The following RELN variants were observed in gnomAD, a reference collection of about 807,000 sequenced individuals.
RELN encodes the protein reelin.
RELN carries 108 observed loss-of-function variants against 427.6 expected under a neutral mutation model. That is an observed-to-expected ratio of 0.25 (90% CI 0.22 to 0.30). The LOEUF (loss-of-function observed/expected upper bound fraction) is 0.30. RELN is among the 10% of genes least tolerant of loss of function. The probability of loss-of-function intolerance (pLI) is 1.00; values close to 1 mark genes in which losing one functional copy is unlikely to be tolerated. For missense variants in RELN, 3,715 were observed against 4,302.8 expected (o/e 0.86, Z 3.82); for synonymous variants, 1,524 against 1,513.4 (o/e 1.01, Z -0.16).
intron 55 of RELN, among the ~76,000 whole-genome samples, 178 bp downstream of exon 55, chr7:103,497,642 C>T (rs1458311214): frequency 6.6e-6 from 1 of 152,014 alleles, no homozygotes; most frequent in African/African-American, 2.4e-5. Flanking sequence ...TCCCTTTTTG[C>T]ATAACACAGA....
Position 103,580,827 on chromosome 7 carries a change from A to C in RELN, c.4146-5122T>G, listed in dbSNP as rs1018911983. Among the ~76,000 whole-genome samples, 6 of 152,188 alleles carry C rather than the reference A, an allele frequency of 3.9e-5. No individual in the cohort carries two copies. The South Asian group carries it at 1.2e-3, about 32-fold the overall frequency. ...AAATTTATTATTGGGCTTCAGGGGA[A>C]TCAAACAAGATTTGTATTCCTTGGC... On this transcript the variant is annotated intron_variant, in intron 28 of 64. Coordinates refer to ENST00000428762, the MANE Select transcript of RELN (RefSeq NM_005045.4).
At chr7:103,531,934 T>C (rs1829949217) in intron 46 of RELN, among the ~76,000 whole-genome samples, 1 of 152,154 alleles carries the variant, frequency 6.6e-6, no homozygotes, top group Non-Finnish European at 1.5e-5. Context: ...GACCCAGCAA[T>C]CCCATTACTG....
At chr7:103,926,247 C>T (rs1391560510) in intron 1 of RELN, among the ~76,000 whole-genome samples, 1 of 151,716 alleles carries the variant, frequency 6.6e-6, no homozygotes, top group African/African-American at 2.4e-5. Context: ...ACTACGGGTA[C>T]GTGCCATCAG....
rs187951720 is a variant in RELN, at chr7:103,951,903, C to A, written c.227-34718G>T. 6.6e-5 allele frequency among the ~76,000 whole-genome samples: 10 copies of A among 152,342 alleles called. No homozygotes were observed. In the East Asian group the frequency reaches 1.7e-3, roughly 27 times the overall value. ...GGTCAGGCTGGTCTCAAACTCCTGA[C>A]CTCAGGTGATCCACCCGTCTTGGCC... On this transcript the variant is annotated intron_variant, in intron 1 of 64. Coordinates refer to ENST00000428762, the MANE Select transcript of RELN (RefSeq NM_005045.4).
chr7:103,848,251 G>T (rs1208882413), intron 2 of RELN, among the ~76,000 whole-genome samples: 2 of 152,160 alleles, frequency 1.3e-5, no homozygotes, highest in African/African-American at 2.4e-5. Flanking sequence ...GAGAGCAGGA[G>T]AAACACAGCA....
chr7:103,977,260 G>A (rs1009999973), intron 1 of RELN, among the ~76,000 whole-genome samples: 7 of 143,076 alleles, frequency 4.9e-5, no homozygotes, highest in South Asian at 2.2e-4. Context: ...GCAGTGAGCC[G>A]AGATCACGCC....
At chr7:103,747,638 CTCACT>C (rs1790878034) in intron 6 of RELN, among the ~76,000 whole-genome samples, 1 of 134,140 alleles carries the variant, frequency 7.5e-6, no homozygotes, top group Admixed American at 7.3e-5. Context: ...GTTCCCTACT[CTCACT>C]TTTTTTTTTT....
intron 49 of RELN, among the ~76,000 whole-genome samples, chr7:103,518,815 C>A (rs961800339): frequency 1.3e-5 from 2 of 152,016 alleles, no homozygotes; most frequent in Non-Finnish European, 2.9e-5. Context: ...TGGTCATAAT[C>A]ATTGCTTTCG....
intron 4 of RELN, among the ~76,000 whole-genome samples, chr7:103,770,656 T>A (rs998139420): frequency 4.5e-4 from 68 of 149,528 alleles, no homozygotes; most frequent in Non-Finnish European, 7.8e-4. Context: ...TTTTAAAAAT[T>A]TTTTTTTTTA....
At chr7:103,786,316 T>C (rs186703966) in intron 3 of RELN, among the ~76,000 whole-genome samples, 1 of 151,954 alleles carries the variant, frequency 6.6e-6, no homozygotes, top group Admixed American at 6.6e-5. Context: ...TTTAAAAAAT[T>C]GCTTCCCTAA....
At chr7:103,702,473 C>A (rs568440117) in intron 8 of RELN, among the ~76,000 whole-genome samples, 1 of 152,272 alleles carries the variant, frequency 6.6e-6, no homozygotes, top group African/African-American at 2.4e-5. Flanking sequence ...AATGCAATTT[C>A]TTGTGAATTG....
At position 103,486,323 on chromosome 7, in the gene RELN, A is replaced by G. The variant is rs1828439294; in HGVS notation, c.9857T>C (p.Ile3286Thr). The G allele has an allele frequency of 6.2e-7, 1 of 1,614,048 alleles. No individual in the cohort carries two copies. Among genetic ancestry groups the G allele is most frequent in the Non-Finnish European group, 8.5e-7 (1 of 1,180,016 alleles). ...ARVTEANWET[I>T]QGGVIGSGCG... ...GCCACTTCCTATGACTCCACCTTGA[A>G]TGGTCTCCCAGTTTGCCTCGGTGAC... is the stretch of plus-strand genomic sequence containing the variant. The change falls in exon 61 of 65, where the codon ATT becomes ACT. Residue 3286 changes from isoleucine (I) to threonine (T), a missense_variant. Transcript: ENST00000428762.
chr7:103,702,927 C>T (rs759228104), intron 8 of RELN, among the ~76,000 whole-genome samples: 2 of 152,194 alleles, frequency 1.3e-5, no homozygotes, highest in African/African-American at 4.8e-5. Flanking sequence ...GCACTTCCAT[C>T]CCCAGTAGGC....
At chr7:103,954,084 T>C (rs1276396706) in intron 1 of RELN, among the ~76,000 whole-genome samples, 4 of 151,642 alleles carry the variant, frequency 2.6e-5, no homozygotes, top group Non-Finnish European at 5.9e-5. Context: ...ACCCTGTCTC[T>C]ACTAAAAATA....
intron 16 of RELN, among the ~76,000 whole-genome samples, chr7:103,644,260 A>G (rs556915181): frequency 6.6e-6 from 1 of 152,012 alleles, no homozygotes; most frequent in Non-Finnish European, 1.5e-5. Flanking sequence ...AACCAAAATG[A>G]AATCCTTGAA....
intron 2 of RELN, among the ~76,000 whole-genome samples, chr7:103,899,951 A>T (rs1795046624): frequency 2.6e-5 from 4 of 152,176 alleles, no homozygotes; most frequent in Admixed American, 2.6e-4. Flanking sequence ...TGGCCAGAGC[A>T]ATCAGGCAGG....
In RELN at chr7:103,968,624, C is replaced by G. The variant is rs1371783262; in HGVS notation, c.226+20507G>C. 6.6e-6 allele frequency among the ~76,000 whole-genome samples: 1 copy of G among 152,104 alleles called. No homozygotes were observed. The highest frequency in any genetic ancestry group is 1.5e-5 in the Non-Finnish European group (1 of 68,024). On this transcript the variant is annotated intron_variant, in intron 1 of 64. Coordinates refer to ENST00000428762, the MANE Select transcript of RELN (RefSeq NM_005045.4). The surrounding 1 kb of genome is among the most constrained non-coding windows in gnomAD (Gnocchi z 4.3). ...CCTTATTCAAATCTAATCTAACCAT[C>G]TAGTAATTCTTTTCACTAAGCTATT...
chr7:103,596,717 G>A, intron 24 of RELN, 56 bp from the exon 25 acceptor site: 1 of 1,470,520 alleles, frequency 6.8e-7, no homozygotes, highest in South Asian at 1.1e-5. Flanking sequence ...TTGGCATTTT[G>A]TTGTTTCAGT....
At position 103,793,982 on chromosome 7, in the gene RELN, G is replaced by C. The variant is rs184068726; in HGVS notation, c.474-17355C>G. On this transcript the variant is annotated intron_variant, in intron 3 of 64. Coordinates refer to ENST00000428762, the MANE Select transcript of RELN (RefSeq NM_005045.4). ...GGGTTTCACCATGTTGGCCAGGCTG[G>C]TCTTGAGCTCCTGGCCTCAAGTGAT... Among the ~76,000 whole-genome samples, 498 of 152,184 alleles carry C rather than the reference G, an allele frequency of 3.3e-3. 1 individual carries two copies. Among genetic ancestry groups the C allele is most frequent in the Non-Finnish European group, 5.2e-3 (352 of 68,012 alleles).
Sources: allele counts gnomAD v4.1 joint callset (sites outside exome capture counted in the v4.1 genomes callset), GRCh38; gene constraint gnomAD v4.1.1; non-coding constraint Gnocchi (gnomAD v3.1); transcripts MANE v1.5; gene names NCBI Gene and HGNC (gene_info 2026-07-23, HGNC 2026-07-21).